Variants in SLC25A13 observed in about 807,000 individuals in gnomAD.
The protein encoded by SLC25A13 is solute carrier family 25 member 13.
In SLC25A13, 70 loss-of-function variants were observed where a neutral mutation model predicts 85.5. The ratio of observed to expected loss-of-function variants is 0.82; its 90% CI spans 0.68 to 1.00. The LOEUF is 1.00. Ranked by LOEUF, SLC25A13 falls within the 50% of genes least tolerant of loss-of-function variation. SLC25A13 has a pLI of 0.00. For missense variants in SLC25A13, 765 were observed against 819.8 expected, an observed-to-expected ratio of 0.93 and a Z score of 0.82; for synonymous variants, 259 against 288.7, an observed-to-expected ratio of 0.90 and a Z score of 1.04.
intron 13 of SLC25A13, among the ~76,000 whole-genome samples, chr7:96,149,554 A>G (rs1792941385): frequency 6.6e-6 from 1 of 152,354 alleles, no homozygotes. Context: ...ACGGGGAAGA[A>G]AGAATGTAGT....
At chr7:96,308,288 C>T (rs370368860) in intron 1 of SLC25A13, among the ~76,000 whole-genome samples, 19 of 152,132 alleles carry the variant, frequency 1.2e-4, no homozygotes, top group African/African-American at 4.1e-4. Flanking sequence ...AATCTAGCAG[C>T]GCCTTGCTTC....
chr7:96,233,442 T>C (rs1796631462), intron 4 of SLC25A13, among the ~76,000 whole-genome samples: 1 of 152,226 alleles, frequency 6.6e-6, no homozygotes, highest in Non-Finnish European at 1.5e-5. Flanking sequence ...TGAGGATCTG[T>C]AAATATTAAA....
intron 4 of SLC25A13, among the ~76,000 whole-genome samples, chr7:96,221,868 A>G (rs1260065204): frequency 1.3e-5 from 2 of 152,156 alleles, no homozygotes; most frequent in Non-Finnish European, 2.9e-5. Flanking sequence ...TGAACTCAGA[A>G]AGGGTCCCTC....
chr7:96,225,616 C>G (rs919424649), intron 4 of SLC25A13, among the ~76,000 whole-genome samples: 11 of 152,018 alleles, frequency 7.2e-5, no homozygotes, highest in African/African-American at 2.7e-4. Context: ...CCAGTCCAGG[C>G]CTCTGTTATT....
chr7:96,255,629 T>C (rs1024060619), intron 3 of SLC25A13, among the ~76,000 whole-genome samples: 1 of 152,112 alleles, frequency 6.6e-6, no homozygotes, highest in Non-Finnish European at 1.5e-5. Flanking sequence ...TGAGGCTGCA[T>C]TGAGCCATGA....
chr7:96,137,175 G>A (rs1792323129), intron 14 of SLC25A13, among the ~76,000 whole-genome samples: 1 of 152,170 alleles, frequency 6.6e-6, no homozygotes, highest in Admixed American at 6.5e-5. Context: ...GAGATTTGAG[G>A]AGGGTGAGTT....
In SLC25A13 at chr7:96,121,034, A is replaced by G; in HGVS notation, c.*157T>C. 1 of 841,556 alleles carries G rather than the reference A, an allele frequency of 1.2e-6. No individual in the cohort carries two copies. The highest frequency in any genetic ancestry group is 2.0e-6 in the Non-Finnish European group (1 of 510,488). The allele number at this position is 841,556 out of a possible 1,614,324, so 52.1% of individuals were successfully genotyped here. On this transcript the variant is annotated 3_prime_UTR_variant, in exon 18 of 18. Transcript: ENST00000265631. The stretch of plus-strand genomic sequence containing the variant: ...TTCACAATGATCTGGTTAAGAAAAC[A>G]CCCAGAAAATGAATGATTTCACATG...
At chr7:96,254,573 CAT>C (rs1027584333) in intron 3 of SLC25A13, among the ~76,000 whole-genome samples, 35 of 152,172 alleles carry the variant, frequency 2.3e-4, no homozygotes, top group African/African-American at 7.7e-4. Flanking sequence ...TATATACCCA[CAT>C]ATGTGTGTGT....
intron 5 of SLC25A13, among the ~76,000 whole-genome samples, chr7:96,201,889 A>C (rs1332095958): frequency 6.6e-6 from 1 of 152,142 alleles, no homozygotes. Context: ...GCAAACCGTA[A>C]CTGATGGTGA....
Position 96,146,751 on chromosome 7 carries a change from AG to A in SLC25A13, c.1312-56del, listed in dbSNP as rs1792817425. 4 of 1,575,948 alleles carry A rather than the reference AG, an allele frequency of 2.5e-6. No individual in the cohort carries two copies. In the African/African-American group the frequency reaches 4.0e-5, roughly 16 times the overall value. ...AAGCAAAGAAATGGTAAGGTGGGTC[AG>A]GAAGAGATGAATGATTATTCTCAAG... On this transcript the variant is annotated intron_variant, in intron 13 of 17. Transcript: ENST00000265631.
intron 11 of SLC25A13, among the ~76,000 whole-genome samples, chr7:96,174,556 C>T (rs907717386): frequency 2.0e-5 from 3 of 152,210 alleles, no homozygotes; most frequent in African/African-American, 4.8e-5. Context: ...CCTGTATTCA[C>T]ATCAAGTAAC....
chr7:96,286,928 C>CCCTT (rs1798913448), intron 2 of SLC25A13, among the ~76,000 whole-genome samples: 1 of 152,206 alleles, frequency 6.6e-6, no homozygotes, highest in African/African-American at 2.4e-5. Context: ...CAATGAAGCT[C>CCCTT]CCTTCCACCT....
chr7:96,318,279 G>A (rs754778977), intron 1 of SLC25A13, among the ~76,000 whole-genome samples: 17 of 152,130 alleles, frequency 1.1e-4, no homozygotes, highest in Non-Finnish European at 2.1e-4. Flanking sequence ...CATTCGTAAC[G>A]CATAAATTTA....
intron 13 of SLC25A13, among the ~76,000 whole-genome samples, chr7:96,148,297 G>A (rs1388369746): frequency 9.9e-5 from 15 of 152,170 alleles, no homozygotes; most frequent in Admixed American, 8.5e-4. Context: ...ACACAAAGAC[G>A]TGCTGCTCCC....
chr7:96,127,099 T>G (rs1024471318), intron 15 of SLC25A13, among the ~76,000 whole-genome samples: 1 of 152,206 alleles, frequency 6.6e-6, no homozygotes, highest in Non-Finnish European at 1.5e-5. Flanking sequence ...ATCATTACAG[T>G]TTGACTTGTT....
intron 1 of SLC25A13, among the ~76,000 whole-genome samples, chr7:96,320,172 CT>C (rs1800284919): frequency 1.3e-5 from 2 of 152,132 alleles, no homozygotes; most frequent in African/African-American, 4.8e-5. Context: ...GCCTAGCTAA[CT>C]TTTTTGTATT....
chr7:96,131,186 C>G (rs1310629834), intron 15 of SLC25A13, among the ~76,000 whole-genome samples: 2 of 152,250 alleles, frequency 1.3e-5, no homozygotes, highest in East Asian at 1.9e-4. Flanking sequence ...TATTTTCTAT[C>G]GATGTTTTCA....
At chr7:96,174,975 G>A (rs890472262) in intron 11 of SLC25A13, among the ~76,000 whole-genome samples, 1 of 152,204 alleles carries the variant, frequency 6.6e-6, no homozygotes, top group Non-Finnish European at 1.5e-5. Flanking sequence ...TGAGACTGGT[G>A]CCTCCCCGCT....
At chr7:96,320,829 C>T (rs964299047) in intron 1 of SLC25A13, among the ~76,000 whole-genome samples, 1 of 152,204 alleles carries the variant, frequency 6.6e-6, no homozygotes, top group Non-Finnish European at 1.5e-5. Context: ...TATTTGTCTG[C>T]TTACAATTTC....
Sources: allele counts gnomAD v4.1 joint callset (sites outside exome capture counted in the v4.1 genomes callset), GRCh38; gene constraint gnomAD v4.1.1; transcripts MANE v1.5; gene names NCBI Gene and HGNC (gene_info 2026-07-23, HGNC 2026-07-21).